GATAD2A: variants seen among roughly 807,000 people sequenced by gnomAD.
The protein encoded by GATAD2A is transcriptional repressor p66-alpha.
Under a neutral mutation model 68.5 loss-of-function variants are expected in GATAD2A, and 12 were observed. The observed-to-expected ratio is 0.18, with a 90% CI of 0.11 to 0.28. GATAD2A has a LOEUF of 0.28. Ranked by LOEUF, GATAD2A falls within the 10% of genes least tolerant of loss-of-function variation. GATAD2A has a pLI of 1.00. For missense variants in GATAD2A, 755 were observed against 868.5 expected, an observed-to-expected ratio of 0.87 and a Z score of 1.64; for synonymous variants, 410 against 375.3, an observed-to-expected ratio of 1.09 and a Z score of -1.07.
intron 1 of GATAD2A, among the ~76,000 whole-genome samples, chr19:19,388,022 A>C (rs1326320457): frequency 6.8e-6 from 1 of 146,448 alleles, no homozygotes; most frequent in African/African-American, 2.5e-5. Flanking sequence ...GAAACTCTTT[A>C]TTTATCCTTG....
At chr19:19,495,662 T>G in intron 5 of GATAD2A, 92 bp from the exon 6 acceptor site, 2 of 1,086,098 alleles carry the variant, frequency 1.8e-6, no homozygotes, top group Middle Eastern at 2.7e-4. Flanking sequence ...AAAACTAGTA[T>G]GTACTTTCAT....
chr19:19,494,334 C>G lies in GATAD2A; in HGVS notation c.575C>G (p.Pro192Arg), dbSNP rs747209678. 1.2e-6 allele frequency: 2 copies of G among 1,613,426 alleles called. No individual in the cohort carries two copies. Among genetic ancestry groups the G allele is most frequent in the South Asian group, 1.1e-5 (1 of 91,072 alleles). ...SVGSTVTTPP[P>R]LVRGTQNIPA... ...GGGAGCACCGTGACCACCCCTCCCC[C>G]GCTTGTTCGGGGCACTCAGAACATT... The change falls in exon 5 of 12, where the codon CCG (proline) becomes CGG (arginine). Residue 192 changes from proline to arginine, a missense_variant. Coordinates refer to ENST00000683918, the MANE Select transcript of GATAD2A (RefSeq NM_001384528.1).
chr19:19,468,618 C>T (rs747544332), intron 2 of GATAD2A, among the ~76,000 whole-genome samples: 1 of 152,314 alleles, frequency 6.6e-6, no homozygotes, highest in Non-Finnish European at 1.5e-5. Flanking sequence ...CAGCTGACTT[C>T]TGACTCGAGA....
intron 1 of GATAD2A, among the ~76,000 whole-genome samples, chr19:19,451,691 G>A (rs118084110): frequency 6.6e-6 from 1 of 152,180 alleles, no homozygotes. Flanking sequence ...TCCTTCACAT[G>A]CTCTACAACT....
chr19:19,421,725 G>A (rs950980170), intron 1 of GATAD2A, among the ~76,000 whole-genome samples: 3 of 152,158 alleles, frequency 2.0e-5, no homozygotes, highest in African/African-American at 7.2e-5. Flanking sequence ...GTGGGGCCCC[G>A]TCTTACTCTG....
intron 2 of GATAD2A, among the ~76,000 whole-genome samples, chr19:19,478,936 G>T (rs551600004): frequency 6.6e-6 from 1 of 152,210 alleles, no homozygotes; most frequent in African/African-American, 2.4e-5. Flanking sequence ...TTAATACTCA[G>T]CTTACTAAGA....
Position 19,507,202 on chromosome 19 carries a change from AGGAATTTGATGTTTTTT to A in GATAD2A, c.*1731_*1747del, listed in dbSNP as rs1256351123. On this transcript the variant is annotated 3_prime_UTR_variant, in exon 12 of 12. Coordinates refer to ENST00000683918, the MANE Select transcript of GATAD2A (RefSeq NM_001384528.1). ...AGATCCAGGGATTTGGGGAAAAGGAAGGAATTTGATGTTTTTTGGGGTGGGAGGGGAGGGTGTGTTTT... is the reference window on the plus strand; with the variant it reads ...AGATCCAGGGATTTGGGGAAAAGGAAGGGGTGGGAGGGGAGGGTGTGTTTT... The A allele has an allele frequency of 7.2e-6, 1 of 139,108 alleles. No homozygotes were observed. Among genetic ancestry groups the A allele is most frequent in the African/African-American group, 2.6e-5 (1 of 38,654 alleles). The allele number at this position is 139,108 out of a possible 1,614,324, so 8.6% of individuals were successfully genotyped here.
chr19:19,464,325 A>C (rs2148004105), intron 1 of GATAD2A, among the ~76,000 whole-genome samples: 1 of 152,290 alleles, frequency 6.6e-6, no homozygotes, highest in East Asian at 1.9e-4. Flanking sequence ...TCTGGTAAAC[A>C]CTGGGATGCT....
rs1015870883 is a variant in GATAD2A, at chr19:19,494,357, A to G, written c.598A>G (p.Ile200Val). ...CCCGCTTGTTCGGGGCACTCAGAAC[A>G]TTCCTGCTGGCAAGCCATCACTCCA... ...PPPLVRGTQN[I>V]PAGKPSLQTS... Residue 200 changes from isoleucine to valine, a missense_variant, in exon 5 of 12, where the codon ATT becomes GTT. Physicochemically the swap from Ile to Val is conservative, Grantham distance 29. Coordinates refer to ENST00000683918, the MANE Select transcript of GATAD2A (RefSeq NM_001384528.1). 2 of 1,611,696 alleles carry G rather than the reference A, an allele frequency of 1.2e-6. No individual in the cohort carries two copies. The highest frequency in any genetic ancestry group is 1.3e-5 in the African/African-American group (1 of 74,898).
At chr19:19,471,638 T>TA (rs2058322531) in intron 2 of GATAD2A, among the ~76,000 whole-genome samples, 1 of 152,372 alleles carries the variant, frequency 6.6e-6, no homozygotes, top group Non-Finnish European at 1.5e-5. Context: ...ATGGTACTCT[T>TA]ACGGTGGCTG....
upstream of GATAD2A, among the ~76,000 whole-genome samples, chr19:19,401,674 C>T (rs1198126033): frequency 6.6e-6 from 1 of 151,834 alleles, no homozygotes; most frequent in African/African-American, 2.4e-5. Context: ...GTGTTTATCA[C>T]ATAAGTCATC....
At chr19:19,472,828 T>C (rs1382319626) in intron 2 of GATAD2A, 1 of 152,274 alleles carries the variant, frequency 6.6e-6, no homozygotes, top group Non-Finnish European at 1.5e-5. Flanking sequence ...TTTTCTGAAG[T>C]GTCAACTCTT....
chr19:19,444,345 G>A (rs773418362), intron 1 of GATAD2A, among the ~76,000 whole-genome samples: 28 of 152,070 alleles, frequency 1.8e-4, no homozygotes, highest in Non-Finnish European at 3.1e-4. Flanking sequence ...GGGACCCAGC[G>A]AACAGTGTGT....
At chr19:19,483,086 C>T (rs182795470) in intron 2 of GATAD2A, among the ~76,000 whole-genome samples, 10 of 152,282 alleles carry the variant, frequency 6.6e-5, no homozygotes, top group Admixed American at 3.3e-4. Flanking sequence ...GCCGGCTGGC[C>T]GCCCCCTGGC....
At chr19:19,419,044 C>T (rs1264018796) in intron 1 of GATAD2A, among the ~76,000 whole-genome samples, 1 of 152,110 alleles carries the variant, frequency 6.6e-6, no homozygotes, top group Non-Finnish European at 1.5e-5. Context: ...TCTCTCAGGG[C>T]CTGTACCCTC....
In GATAD2A at chr19:19,465,623, GA is replaced by G. The variant is rs764112224; in HGVS notation, c.269+10del. 53 of 1,597,444 alleles carry G rather than the reference GA, an allele frequency of 3.3e-5. No homozygotes were observed. Among genetic ancestry groups the G allele is most frequent in the Non-Finnish European group, 4.4e-5 (52 of 1,172,572 alleles). ...ATGCGCACCTCACACAGGTGAGTGG[GA>G]GGAGCCAGCGGGAGGGGCTGGAACC... On this transcript the variant is annotated intron_variant, in intron 2 of 11. Coordinates refer to ENST00000683918, the MANE Select transcript of GATAD2A (RefSeq NM_001384528.1).
intron 1 of GATAD2A, among the ~76,000 whole-genome samples, chr19:19,448,409 T>C (rs1396891683): frequency 6.6e-6 from 1 of 152,272 alleles, no homozygotes; most frequent in African/African-American, 2.4e-5. Flanking sequence ...TGTTGGGCAC[T>C]GAACAGTTCT....
chr19:19,482,704 A>G (rs935260102), intron 2 of GATAD2A, among the ~76,000 whole-genome samples: 1 of 152,246 alleles, frequency 6.6e-6, no homozygotes, highest in African/African-American at 2.4e-5. Flanking sequence ...AATGGCCATC[A>G]TAAAGGCTCA....
intron 1 of GATAD2A, among the ~76,000 whole-genome samples, chr19:19,394,445 C>CTTT (rs990895981): frequency 1.2e-4 from 16 of 132,170 alleles, no homozygotes; most frequent in African/African-American, 3.3e-4. Flanking sequence ...GGGCTTTCCT[C>CTTT]TTTTTTTTTT....
Sources: allele counts gnomAD v4.1 joint callset (sites outside exome capture counted in the v4.1 genomes callset), GRCh38; gene constraint gnomAD v4.1.1; transcripts MANE v1.5; gene names NCBI Gene and HGNC (gene_info 2026-07-23, HGNC 2026-07-21).